SYBU: variants seen among roughly 807,000 people sequenced by gnomAD.
SYBU encodes the protein GOLSYN A protein.
Under a neutral mutation model 35.9 loss-of-function variants are expected in SYBU, and 21 were observed. That is an observed-to-expected ratio of 0.58 (90% CI 0.41 to 0.84). The LOEUF is 0.84. SYBU is among the 40% of genes least tolerant of loss of function. The pLI is 0.00. For missense variants in SYBU, 768 were observed against 848.2 expected (o/e 0.91, Z 1.17); for synonymous variants, 319 against 324.3 (o/e 0.98, Z 0.18).
chr8:109,620,893 A>G (rs922538709), intron 2 of SYBU, among the ~76,000 whole-genome samples: 1 of 152,174 alleles, frequency 6.6e-6, no homozygotes, highest in Non-Finnish European at 1.5e-5. Flanking sequence ...TCAGACACAG[A>G]TTCCAGCAAT....
chr8:109,644,255 C>T (rs561886953), intron 1 of SYBU: 2 of 495,306 alleles, frequency 4.0e-6, no homozygotes, highest in South Asian at 1.5e-5. Context: ...CCGGGCACAC[C>T]GCAGACCCTG....
chr8:109,603,313 C>T, intron 3 of SYBU: 1 of 697,252 alleles, frequency 1.4e-6, no homozygotes, highest in South Asian at 6.5e-5. Context: ...TTCTACAAAT[C>T]CTGGTGTGGT....
At chr8:109,675,916 C>T (rs1817171609) in intron 1 of SYBU, among the ~76,000 whole-genome samples, 1 of 152,214 alleles carries the variant, frequency 6.6e-6, no homozygotes, top group African/African-American at 2.4e-5. Flanking sequence ...CCAAATCCAG[C>T]AGCACATTGA....
At chr8:109,601,821 C>T (rs985505741) in intron 3 of SYBU, among the ~76,000 whole-genome samples, 4 of 152,008 alleles carry the variant, frequency 2.6e-5, no homozygotes, top group African/African-American at 9.7e-5. Flanking sequence ...AAAATGCAGC[C>T]AAAAAGGTGA....
At position 109,618,904 on chromosome 8, in the gene SYBU, C is replaced by G. The variant is rs779585365; in HGVS notation, c.365G>C (p.Gly122Ala). Residue 122 changes from glycine to alanine, a missense_variant, in exon 3 of 7, where the codon GGT becomes GCT. Coordinates refer to ENST00000276646, the MANE Select transcript of SYBU (RefSeq NM_001099754.2). ...TRKKCTIGMV[G>A]EGSIQSSRYK... ...TCGAGAGGACTGAATGCTTCCTTCA[C>G]CAACCATTCCAATCGTGCATTTCTT... 1.1e-5 allele frequency: 17 copies of G among 1,614,196 alleles called. No individual in the cohort carries two copies. Among genetic ancestry groups the G allele is most frequent in the Non-Finnish European group, 1.4e-5 (17 of 1,180,018 alleles).
At chr8:109,667,612 A>C (rs974680271) in intron 1 of SYBU, among the ~76,000 whole-genome samples, 3 of 151,736 alleles carry the variant, frequency 2.0e-5, no homozygotes. Flanking sequence ...CAAATTTTAC[A>C]TTTCTTGTTT....
Position 109,579,940 on chromosome 8 carries a change from G to A in SYBU, c.593C>T (p.Ser198Phe). ...GGACAGAAGGTCCTTTTCCCGCGGG[G>A]ATGATGGGCTGCTGCCAGGCTTGTG... is the stretch of plus-strand genomic sequence containing the variant. ...SSHKPGSSPS[S>F]PREKDLLSML... The change falls in exon 5 of 7, where the codon TCC (serine) becomes TTC (phenylalanine). Residue 198 changes from serine to phenylalanine, a missense_variant. By Grantham distance (155) the Ser-to-Phe change is radical. Coordinates refer to ENST00000276646, the MANE Select transcript of SYBU (RefSeq NM_001099754.2). 1 of 1,613,880 alleles carries A rather than the reference G, an allele frequency of 6.2e-7. No homozygotes were observed. Among genetic ancestry groups the A allele is most frequent in the Non-Finnish European group, 8.5e-7 (1 of 1,180,028 alleles).
chr8:109,610,478 T>G (rs1293273441), intron 3 of SYBU, among the ~76,000 whole-genome samples: 2 of 152,240 alleles, frequency 1.3e-5, no homozygotes, highest in Non-Finnish European at 2.9e-5. Flanking sequence ...GAGCGTCACC[T>G]TCTTGCAATG....
At chr8:109,645,633 G>GTTTTTTTTGTT (rs1554624999), upstream of SYBU, 1 of 217,766 alleles carries the variant, frequency 4.6e-6, no homozygotes, top group African/African-American at 2.7e-5. Flanking sequence ...TTCGTTTTTT[G>GTTTTTTTTGTT]TTTTTTTTTT....
In SYBU at chr8:109,576,001, G is replaced by A. The variant is rs367900187; in HGVS notation, c.897C>T (p.Ile299=). The A allele has an allele frequency of 1.4e-6, 2 of 1,459,948 alleles. No individual in the cohort carries two copies. The highest frequency in any genetic ancestry group is 1.9e-5 in the Admixed American group (1 of 52,434). 90.4% of individuals were successfully genotyped at this position (1,459,948 alleles called of 1,614,324 possible). ...ERRLHERESE[I]VELKSQLARM... The stretch of plus-strand genomic sequence containing the variant: ...GGGCCAGCTGGGACTTAAGCTCCAC[G>A]ATTTCACTTTCCCTAGAGTGCCAAG... Residue 299 remains isoleucine (I), a synonymous_variant, in exon 7 of 7, where the codon ATC becomes ATT. Transcript: ENST00000276646.
chr8:109,653,854 T>C (rs1816251705), intron 1 of SYBU, among the ~76,000 whole-genome samples: 1 of 152,164 alleles, frequency 6.6e-6, no homozygotes, highest in Admixed American at 6.5e-5. Flanking sequence ...TTCTTTAGGA[T>C]GGAAGTTGTG....
At chr8:109,610,957 T>C (rs923635312) in intron 3 of SYBU, among the ~76,000 whole-genome samples, 1 of 152,176 alleles carries the variant, frequency 6.6e-6, no homozygotes, top group Non-Finnish European at 1.5e-5. Flanking sequence ...ATCATGCACA[T>C]ACCTTTGCAG....
chr8:109,655,372 A>G (rs1474095525), intron 1 of SYBU, among the ~76,000 whole-genome samples: 1 of 152,236 alleles, frequency 6.6e-6, no homozygotes, highest in African/African-American at 2.4e-5. Context: ...AGTTACATTA[A>G]AGCTATGATG....
At chr8:109,680,323 T>C (rs1817355301) in intron 1 of SYBU, 3 of 152,196 alleles carry the variant, frequency 2.0e-5, no homozygotes, top group Admixed American at 2.0e-4. Flanking sequence ...CTACTATAGT[T>C]AGCAGCTCTC....
chr8:109,676,097 T>C (rs1261704266), intron 1 of SYBU, among the ~76,000 whole-genome samples: 1 of 152,162 alleles, frequency 6.6e-6, no homozygotes, highest in Non-Finnish European at 1.5e-5. Context: ...CACCCCTTCA[T>C]GATAAAAACT....
intron 1 of SYBU, among the ~76,000 whole-genome samples, chr8:109,687,453 C>T (rs1817546256): frequency 6.6e-6 from 1 of 152,160 alleles, no homozygotes; most frequent in Admixed American, 6.6e-5. Context: ...GTCTATGAAG[C>T]ACCCTGAGCA....
chr8:109,637,555 T>C (rs1291638655), intron 2 of SYBU, among the ~76,000 whole-genome samples: 1 of 151,548 alleles, frequency 6.6e-6, no homozygotes, highest in African/African-American at 2.5e-5. Context: ...CTAGGTCTCA[T>C]TAAAGTGATA....
Position 109,642,827 on chromosome 8 carries a change from C to G in SYBU, c.130G>C (p.Ala44Pro), listed in dbSNP as rs752117798. 1 of 1,613,316 alleles carries G rather than the reference C, an allele frequency of 6.2e-7. No individual in the cohort carries two copies. Among genetic ancestry groups the G allele is most frequent in the Admixed American group, 1.7e-5 (1 of 59,906 alleles). ...TCCTCAGAGAAAGGAGACTCAGAGG[C>G]TGGGGACACTTTGTGCTGTTGTTGG... ...MPQQQHKVSPASESPFSEEES... is the reference protein window; with the variant it reads ...MPQQQHKVSPPSESPFSEEES... The change falls in exon 2 of 7, where the codon GCC becomes CCC. Residue 44 changes from alanine to proline, a missense_variant. Physicochemically the swap from Ala to Pro is conservative, Grantham distance 27 (BLOSUM62 -1). Coordinates refer to ENST00000276646, the MANE Select transcript of SYBU (RefSeq NM_001099754.2).
rs1365363549 is a variant in SYBU, at chr8:109,642,923, T to C, written c.34A>G (p.Arg12Gly). ...ATCTCCTTGTCATGATGCTGCACTC[T>C]GTGCTCCTTCTCAAAATTGGACATC... Reference protein sequence around the residue: ...GPLRESKKEHRVQHHDKEISR... With the variant: ...GPLRESKKEHGVQHHDKEISR... Residue 12 changes from arginine (R) to glycine (G), a missense_variant, in exon 2 of 7, where the codon AGA becomes GGA. Coordinates refer to ENST00000276646, the MANE Select transcript of SYBU (RefSeq NM_001099754.2). 6.7e-7 allele frequency: 1 copy of C among 1,502,324 alleles called. No individual in the cohort carries two copies. The highest frequency in any genetic ancestry group is 8.9e-7 in the Non-Finnish European group (1 of 1,122,074). The allele number at this position is 1,502,324 out of a possible 1,614,324, so 93.1% of individuals were successfully genotyped here.
Sources: gnomAD v4.1 joint callset for allele counts (sites outside exome capture counted in the v4.1 genomes callset) on GRCh38, gnomAD v4.1.1 for gene constraint, MANE v1.5 for transcripts, NCBI Gene and HGNC (gene_info 2026-07-23, HGNC 2026-07-21) for gene names.